Variants in CLMN observed in about 807,000 individuals in gnomAD.
CLMN encodes the protein calmin (calponin-like, transmembrane).
A neutral mutation model predicts 92.7 loss-of-function variants in CLMN; 57 were observed. The observed-to-expected ratio is 0.61, with a 90% CI of 0.50 to 0.77. CLMN has a LOEUF of 0.77. Ranked by LOEUF, CLMN falls within the 30% of genes least tolerant of loss-of-function variation. The pLI is 0.00. For synonymous variants in CLMN, 466 were observed against 470.6 expected (o/e 0.99, Z 0.13); for missense variants, 1,158 against 1,237.5 (o/e 0.94, Z 0.96).
intron 1 of CLMN, among the ~76,000 whole-genome samples, chr14:95,236,352 G>T (rs1174875849): frequency 6.6e-6 from 1 of 152,192 alleles, no homozygotes. Flanking sequence ...TGGCCTCCCA[G>T]CTTTCCTCAC....
intron 1 of CLMN, among the ~76,000 whole-genome samples, chr14:95,245,755 G>A (rs1898537210): frequency 6.7e-6 from 1 of 149,344 alleles, no homozygotes; most frequent in African/African-American, 2.5e-5. Context: ...TGGATGGATG[G>A]ATGAATGAAT....
At chr14:95,220,512 G>C (rs1048440988) in intron 4 of CLMN, among the ~76,000 whole-genome samples, 6 of 152,196 alleles carry the variant, frequency 3.9e-5, no homozygotes, top group Admixed American at 2.6e-4. Context: ...CTTGTCCGTG[G>C]GTGGACAGGC....
intron 1 of CLMN, among the ~76,000 whole-genome samples, chr14:95,285,796 A>C (rs149350459): frequency 0.015 from 2,259 of 152,228 alleles, 28 homozygotes; most frequent in Middle Eastern, 0.068. Context: ...GGATATGTGG[A>C]TAAGGTATAA....
chr14:95,255,553 T>TGGGGGCTGTTGGAACGCATCCCC (rs1898964282), intron 1 of CLMN, among the ~76,000 whole-genome samples: 1 of 152,222 alleles, frequency 6.6e-6, no homozygotes, highest in African/African-American at 2.4e-5. Context: ...CAAGCATCCC[T>TGGGGGCTGTTGGAACGCATCCCC]GGGGGCTCTT....
At chr14:95,276,633 T>C (rs1899939304) in intron 1 of CLMN, among the ~76,000 whole-genome samples, 2 of 152,140 alleles carry the variant, frequency 1.3e-5, no homozygotes, top group South Asian at 4.1e-4. Flanking sequence ...CTTTCCCATC[T>C]TTTTCTGTCA....
intron 1 of CLMN, among the ~76,000 whole-genome samples, chr14:95,236,789 A>G (rs192226937): frequency 3.3e-4 from 50 of 152,298 alleles, no homozygotes; most frequent in African/African-American, 1.1e-3. Context: ...CAGTTTGCCT[A>G]TCTGTACAAC....
intron 1 of CLMN, among the ~76,000 whole-genome samples, chr14:95,246,769 A>G (rs1898588642): frequency 6.6e-6 from 1 of 152,178 alleles, no homozygotes; most frequent in Non-Finnish European, 1.5e-5. Context: ...ACCTGGCCAC[A>G]AACTGTTTTT....
At chr14:95,212,220 T>G (rs1897218886) in intron 6 of CLMN, among the ~76,000 whole-genome samples, 1 of 152,252 alleles carries the variant, frequency 6.6e-6, no homozygotes, top group Admixed American at 6.5e-5. Flanking sequence ...CTTTCATGGA[T>G]TTTATTTAAT....
At chr14:95,278,743 A>T (rs1169771132) in intron 1 of CLMN, among the ~76,000 whole-genome samples, 1 of 152,186 alleles carries the variant, frequency 6.6e-6, no homozygotes, top group East Asian at 1.9e-4. Flanking sequence ...CTCTCTTTGC[A>T]TATTTGGATC....
rs371187871 is a variant in CLMN at position 95,203,203 on chromosome 14, G to A, written c.2146C>T (p.Leu716Phe). The change falls in exon 9 of 13, where the codon CTC (leucine) becomes TTC (phenylalanine). Residue 716 changes from leucine (L) to phenylalanine (F), a missense_variant. By Grantham distance (22) the Leu-to-Phe change is conservative. Transcript: ENST00000298912. ...TGGGGAATGACGGAAACCTTTGAGA[G>A]GGGTGGGGAGGGCTTGAAATCCAGG... ...EGLDFKPSPP[L>F]SKVSVIPHDL... The A allele has an allele frequency of 3.0e-5, 48 of 1,613,434 alleles. No individual in the cohort carries two copies. The highest frequency in any genetic ancestry group is 3.7e-5 in the Non-Finnish European group (44 of 1,180,036).
intron 4 of CLMN, among the ~76,000 whole-genome samples, chr14:95,219,262 G>T (rs1160517947): frequency 6.6e-6 from 1 of 152,216 alleles, no homozygotes; most frequent in East Asian, 1.9e-4. Context: ...ACTCATAAAC[G>T]TGGGCAGCTG....
chr14:95,231,810 T>G (rs1897898078), intron 1 of CLMN, among the ~76,000 whole-genome samples: 1 of 152,170 alleles, frequency 6.6e-6, no homozygotes, highest in East Asian at 1.9e-4. Context: ...CAAAGGTGTC[T>G]GCAATAGTCA....
chr14:95,298,037 C>A (rs547511355), intron 1 of CLMN, among the ~76,000 whole-genome samples: 2 of 152,298 alleles, frequency 1.3e-5, no homozygotes, highest in African/African-American at 4.8e-5. Context: ...CAGCAGCACA[C>A]GAGAGCTCCA....
rs1161266028 is a variant in CLMN, at chr14:95,191,599, G to A, written c.2974C>T (p.Leu992=). 1.2e-6 allele frequency: 2 copies of A among 1,613,524 alleles called. No individual in the cohort carries two copies. The highest frequency in any genetic ancestry group is 1.7e-6 in the Non-Finnish European group (2 of 1,179,846). ...LFLWLLVYCL[L]LFPQLDVSRL ...CTAACATCCAGTTGTGGGAAGAGCAGCAAGCAGTACACCAGGAGCCACAGG... is the reference window on the plus strand; with the variant it reads ...CTAACATCCAGTTGTGGGAAGAGCAACAAGCAGTACACCAGGAGCCACAGG... Residue 992 remains leucine (L), a synonymous_variant, in exon 13 of 13, where the codon CTG becomes TTG. Transcript: ENST00000298912. This position sits in a 1 kb window ranked among gnomAD's most constrained non-coding sequence, Gnocchi z 5.3.
intron 1 of CLMN, among the ~76,000 whole-genome samples, chr14:95,262,667 A>G (rs1729062802): frequency 6.6e-6 from 1 of 152,152 alleles, no homozygotes; most frequent in Non-Finnish European, 1.5e-5. Context: ...TCCAGGCTCA[A>G]GTGATCCTTC....
At chr14:95,317,852 A>ACATACATT (rs1901864184) in intron 1 of CLMN, among the ~76,000 whole-genome samples, 1 of 152,236 alleles carries the variant, frequency 6.6e-6, no homozygotes. Context: ...TTAAACATAT[A>ACATACATT]CATACATTTA....
intron 3 of CLMN, 81 bp from the exon 4 acceptor site, chr14:95,221,855 C>T: frequency 7.5e-7 from 1 of 1,327,478 alleles, no homozygotes; most frequent in Non-Finnish European, 1.0e-6. Context: ...GCTGGGTGTG[C>T]TTTACTTTTT....
At chr14:95,266,751 A>G (rs1428016621) in intron 1 of CLMN, among the ~76,000 whole-genome samples, 1 of 152,240 alleles carries the variant, frequency 6.6e-6, no homozygotes, top group Non-Finnish European at 1.5e-5. Context: ...TTAAGCAAAA[A>G]GAACACAGTT....
At chr14:95,200,209 C>A (rs1896837716) in intron 9 of CLMN, among the ~76,000 whole-genome samples, 1 of 152,164 alleles carries the variant, frequency 6.6e-6, no homozygotes, top group South Asian at 2.1e-4. Context: ...AACCCCCATG[C>A]AGCCTTTCTG....
Sources: gnomAD v4.1 joint callset for allele counts (sites outside exome capture counted in the v4.1 genomes callset) on GRCh38, gnomAD v4.1.1 for gene constraint, Gnocchi (gnomAD v3.1) non-coding constraint, MANE v1.5 for transcripts, NCBI Gene and HGNC (gene_info 2026-07-23, HGNC 2026-07-21) for gene names.